Variants in PCLO observed in about 807,000 individuals in gnomAD.
PCLO encodes protein piccolo.
In PCLO, 82 loss-of-function variants were observed where a neutral mutation model predicts 427.5. The ratio of observed to expected loss-of-function variants is 0.19; its 90% CI spans 0.16 to 0.23. The LOEUF (loss-of-function observed/expected upper bound fraction) is 0.23. Ranked by LOEUF, PCLO falls within the 10% of genes least tolerant of loss-of-function variation. The pLI is 1.00. For synonymous variants in PCLO, 2,357 were observed against 2,155.4 expected, an observed-to-expected ratio of 1.09 and a Z score of -2.59; for missense variants, 6,239 against 6,115.9, an observed-to-expected ratio of 1.02 and a Z score of -0.67.
At position 82,758,707 on chromosome 7, in the gene PCLO, A is replaced by T; in HGVS notation, c.15297T>A (p.Leu5099=). The T allele has an allele frequency of 6.9e-6, 11 of 1,593,906 alleles. No homozygotes were observed. Among genetic ancestry groups the T allele is most frequent in the Non-Finnish European group, 9.4e-6 (11 of 1,164,746 alleles). ...TCATAAACTTCCCTCCATTGGAGAA[A>T]AGTAAAATCTAGAAAAAATAGGCAA... ...SPAGHSLQIL[L]FSNGGKFMKK... Residue 5099 remains leucine (L), a synonymous_variant, in exon 25 of 25, where the codon CTT becomes CTA. Transcript: ENST00000333891.
chr7:82,775,897 GT>G (rs1441037038), intron 22 of PCLO, among the ~76,000 whole-genome samples: 2 of 152,054 alleles, frequency 1.3e-5, no homozygotes, highest in Non-Finnish European at 2.9e-5. Flanking sequence ...CTGTGTCTAG[GT>G]TAACTTTTTT....
chr7:83,095,248 T>G (rs924134935), intron 3 of PCLO, among the ~76,000 whole-genome samples: 54 of 152,120 alleles, frequency 3.5e-4, no homozygotes, highest in African/African-American at 1.3e-3. Flanking sequence ...CATGTATAGT[T>G]GTTTGTAGCA....
Position 82,794,459 on chromosome 7 carries a change from C to CTGTTTTTTTTT in PCLO, c.15007+7058_15007+7059insAAAAAAAAACA, listed in dbSNP as rs1554333552. ...ACATGCTAGTTCATAAATTTTTTTT[C>CTGTTTTTTTTT]TTTTTTTTTTTTTTTTTTTTTTTTT... On this transcript the variant is annotated intron_variant, in intron 22 of 24. Coordinates refer to ENST00000333891, the MANE Select transcript of PCLO (RefSeq NM_033026.6). Among the ~76,000 whole-genome samples the CTGTTTTTTTTT allele has an allele frequency of 2.1e-3, 119 of 56,362 alleles. 26 individuals are homozygous for CTGTTTTTTTTT. The highest frequency in any genetic ancestry group is 3.5e-3 in the Non-Finnish European group (85 of 24,440). 37.0% of individuals were successfully genotyped at this position (56,362 alleles called of 152,430 possible).
chr7:83,059,869 T>C (rs1789500508), intron 3 of PCLO, among the ~76,000 whole-genome samples: 1 of 152,156 alleles, frequency 6.6e-6, no homozygotes, highest in South Asian at 2.1e-4. Flanking sequence ...AAGGAACATT[T>C]AAGTCCTTTA....
intron 19 of PCLO, among the ~76,000 whole-genome samples, 181 bp from the exon 20 acceptor site, chr7:82,822,870 A>G (rs1271849135): frequency 6.6e-6 from 1 of 152,102 alleles, no homozygotes; most frequent in Non-Finnish European, 1.5e-5. Flanking sequence ...AATTTGGGGG[A>G]GGAAAGGCAA....
intron 3 of PCLO, among the ~76,000 whole-genome samples, chr7:83,050,480 T>C (rs912178691): frequency 4.0e-5 from 6 of 151,748 alleles, no homozygotes; most frequent in African/African-American, 1.2e-4. Context: ...GACTTCTAAA[T>C]TGAAATTTCT....
chr7:82,813,086 G>A (rs772247477), intron 20 of PCLO, among the ~76,000 whole-genome samples: 1 of 151,632 alleles, frequency 6.6e-6, no homozygotes, highest in Non-Finnish European at 1.5e-5. Context: ...AATGGAATCC[G>A]AACATTTTGA....
chr7:82,760,933 A>C (rs933084628), intron 23 of PCLO, 149 bp from the exon 24 acceptor site: 8 of 405,324 alleles, frequency 2.0e-5, no homozygotes, highest in Non-Finnish European at 3.0e-5. Flanking sequence ...AAAATGATTA[A>C]AAGATATGTC....
intron 6 of PCLO, among the ~76,000 whole-genome samples, chr7:82,944,212 T>C (rs1795149776): frequency 6.6e-6 from 1 of 151,656 alleles, no homozygotes; most frequent in Non-Finnish European, 1.5e-5. Context: ...GAATACGGTT[T>C]TGTTAGCTTT....
chr7:82,914,337 TGAAA>T, intron 7 of PCLO: 2 of 472,436 alleles, frequency 4.2e-6, no homozygotes, highest in East Asian at 3.2e-5. Context: ...TTTTTAAAAA[TGAAA>T]GAAACTTACA....
intron 2 of PCLO, among the ~76,000 whole-genome samples, chr7:83,148,765 T>C (rs1390363449): frequency 6.6e-6 from 1 of 152,220 alleles, no homozygotes; most frequent in African/African-American, 2.4e-5. Flanking sequence ...TCAGTTCATA[T>C]ATGTCATTCA....
At chr7:82,847,268 A>G in intron 10 of PCLO, 21 bp from the exon 11 acceptor site, 1 of 1,372,274 alleles carries the variant, frequency 7.3e-7, no homozygotes, top group Non-Finnish European at 1.0e-6. Flanking sequence ...AAATTTGAAT[A>G]TAAAATCAAA....
chr7:82,915,089 A>G lies in PCLO; in HGVS notation c.12897T>C (p.Tyr4299=). The G allele has an allele frequency of 6.2e-7, 1 of 1,603,348 alleles. No homozygotes were observed. The highest frequency in any genetic ancestry group is 1.1e-5 in the South Asian group (1 of 90,198). The change falls in exon 7 of 25, where the codon TAT becomes TAC. Residue 4299 remains tyrosine, a synonymous_variant. Coordinates refer to ENST00000333891, the MANE Select transcript of PCLO (RefSeq NM_033026.6). ...SRPSSRPSSV[Y]GLDLSIKRDS... is the part of the protein sequence containing the mutation. ...CCCTTTTAATTGATAAATCAAGCCC[A>G]TAGACAGAGGAAGGTCTGGAGGAAG...
At chr7:82,988,274 T>A (rs991586501) in intron 3 of PCLO, among the ~76,000 whole-genome samples, 1 of 152,016 alleles carries the variant, frequency 6.6e-6, no homozygotes, top group Non-Finnish European at 1.5e-5. Flanking sequence ...AGCCATCCTT[T>A]CACCTCGGCC....
intron 2 of PCLO, among the ~76,000 whole-genome samples, chr7:83,147,585 C>A (rs1302247670): frequency 1.3e-5 from 2 of 152,000 alleles, no homozygotes; most frequent in Non-Finnish European, 2.9e-5. Flanking sequence ...TATTTCAAAT[C>A]CTCATTGTTA....
chr7:82,890,165 G>C (rs1271755792), intron 9 of PCLO, among the ~76,000 whole-genome samples: 1 of 151,950 alleles, frequency 6.6e-6, no homozygotes, highest in Non-Finnish European at 1.5e-5. Flanking sequence ...GTGGGCATTT[G>C]CCTTTGAGAT....
At position 83,094,542 on chromosome 7, in the gene PCLO, G is replaced by T. The variant is rs986607288; in HGVS notation, c.3300+39708C>A. Among the ~76,000 whole-genome samples the T allele has an allele frequency of 2.6e-4, 39 of 152,114 alleles. 1 individual carries two copies. The highest frequency in any genetic ancestry group is 4.4e-5 in the Non-Finnish European group (3 of 68,012). On this transcript the variant is annotated intron_variant, in intron 3 of 24. Transcript: ENST00000333891. ...CTTTCTAACTCAGCATAGTTCTCTGGAGACTATTCAGATTGTTGTATCAAT... is the reference window on the plus strand; with the variant it reads ...CTTTCTAACTCAGCATAGTTCTCTGTAGACTATTCAGATTGTTGTATCAAT...
intron 10 of PCLO, among the ~76,000 whole-genome samples, chr7:82,849,339 A>C (rs1792588654): frequency 6.6e-6 from 1 of 152,132 alleles, no homozygotes; most frequent in Non-Finnish European, 1.5e-5. Flanking sequence ...GACACCATAA[A>C]CTACATGATC....
intron 3 of PCLO, among the ~76,000 whole-genome samples, chr7:83,016,264 A>G (rs11981840): frequency 0.024 from 3,603 of 151,584 alleles, 153 homozygotes; most frequent in African/African-American, 0.082. Flanking sequence ...AAAATGGGGG[A>G]AAAAAAAACA....
Sources: gnomAD v4.1 joint callset for allele counts (sites outside exome capture counted in the v4.1 genomes callset) on GRCh38, gnomAD v4.1.1 for gene constraint, MANE v1.5 for transcripts, NCBI Gene and HGNC (gene_info 2026-07-23, HGNC 2026-07-21) for gene names.